Variants in LDLRAD4 observed in about 807,000 individuals in gnomAD.
LDLRAD4 encodes the protein low density lipoprotein receptor class A domain containing 4.
A neutral mutation model predicts 17.0 loss-of-function variants in LDLRAD4; 5 were observed. The observed-to-expected ratio is 0.29, with a 90% CI of 0.15 to 0.62. LDLRAD4 has a LOEUF of 0.62. LDLRAD4 is among the 20% of genes least tolerant of loss of function. The probability of loss-of-function intolerance (pLI) is 0.84; values close to 1 mark genes in which losing one functional copy is unlikely to be tolerated. For synonymous variants in LDLRAD4, 168 were observed against 171.8 expected (o/e 0.98, Z 0.17); for missense variants, 340 against 424.7 (o/e 0.80, Z 1.75).
intron 3 of LDLRAD4, among the ~76,000 whole-genome samples, chr18:13,579,144 C>T (rs920986251): frequency 3.1e-4 from 47 of 151,920 alleles, no homozygotes; most frequent in African/African-American, 1.1e-3. Flanking sequence ...GAGCCGAGAT[C>T]GCACCACTGT....
intron 3 of LDLRAD4, among the ~76,000 whole-genome samples, chr18:13,573,778 G>T (rs868687236): frequency 1.1e-4 from 16 of 152,130 alleles, no homozygotes; most frequent in Admixed American, 8.5e-4. Context: ...AACAATCTGG[G>T]TAAAGAGACT....
At chr18:13,626,559 C>T (rs927697263) in intron 4 of LDLRAD4, among the ~76,000 whole-genome samples, 1 of 152,228 alleles carries the variant, frequency 6.6e-6, no homozygotes, top group Non-Finnish European at 1.5e-5. Flanking sequence ...AAATTGTTAA[C>T]ATTCAGCCAT....
At chr18:13,511,088 T>C (rs2093770468) in intron 3 of LDLRAD4, among the ~76,000 whole-genome samples, 1 of 152,134 alleles carries the variant, frequency 6.6e-6, no homozygotes, top group African/African-American at 2.4e-5. Flanking sequence ...ATAGAAGTCA[T>C]GGAACTCATG....
intron 3 of LDLRAD4, among the ~76,000 whole-genome samples, chr18:13,580,536 T>C (rs1025315331): frequency 8.5e-5 from 13 of 152,146 alleles, no homozygotes; most frequent in African/African-American, 2.9e-4. Context: ...TGGGATCAGT[T>C]TGAATGGCAA....
intron 1 of LDLRAD4, among the ~76,000 whole-genome samples, chr18:13,273,026 T>C (rs2044654285): frequency 1.3e-5 from 2 of 152,204 alleles, no homozygotes; most frequent in African/African-American, 4.8e-5. Flanking sequence ...ACAAAAACGA[T>C]GTGGCATTTA....
At chr18:13,605,169 T>A (rs564914078) in intron 3 of LDLRAD4, among the ~76,000 whole-genome samples, 1 of 152,218 alleles carries the variant, frequency 6.6e-6, no homozygotes, top group African/African-American at 2.4e-5. Flanking sequence ...AAAGACTTCT[T>A]GAGTTTTTAA....
chr18:13,494,116 C>T lies in LDLRAD4; in HGVS notation c.181+55732C>T, dbSNP rs996653966. 3.3e-5 allele frequency among the ~76,000 whole-genome samples: 5 copies of T among 152,104 alleles called. No individual in the cohort carries two copies. In the South Asian group the frequency reaches 8.3e-4, roughly 25 times the overall value. On this transcript the variant is annotated intron_variant, in intron 3 of 5. Transcript: ENST00000359446. ...ATGAGTTTGGGGAGAAGGAGCAGGG[C>T]GGTGGTGATGGCTCTGCTGAGAGGA...
chr18:13,443,833 T>C (rs1415917132), intron 3 of LDLRAD4, among the ~76,000 whole-genome samples: 1 of 152,176 alleles, frequency 6.6e-6, no homozygotes, highest in African/African-American at 2.4e-5. Flanking sequence ...CTGAACGTGC[T>C]TCTCTGTCCC....
At chr18:13,523,665 C>G (rs182653118) in intron 3 of LDLRAD4, among the ~76,000 whole-genome samples, 20 of 152,302 alleles carry the variant, frequency 1.3e-4, no homozygotes, top group Non-Finnish European at 2.2e-4. Context: ...TGCTGTGTAC[C>G]ATGCAGTTGC....
intron 1 of LDLRAD4, among the ~76,000 whole-genome samples, chr18:13,380,763 T>C (rs547886222): frequency 3.4e-4 from 52 of 152,346 alleles, no homozygotes; most frequent in African/African-American, 1.2e-3. Context: ...GTTTTGGGTT[T>C]TGTACTTGCT....
intron 1 of LDLRAD4, among the ~76,000 whole-genome samples, chr18:13,290,006 T>G (rs1259331602): frequency 2.0e-5 from 3 of 152,210 alleles, no homozygotes; most frequent in Admixed American, 6.5e-5. Context: ...TTGGGGAGTT[T>G]TACTGTGTGG....
At chr18:13,294,482 C>A (rs1295384399) in intron 1 of LDLRAD4, among the ~76,000 whole-genome samples, 1 of 152,220 alleles carries the variant, frequency 6.6e-6, no homozygotes, top group Non-Finnish European at 1.5e-5. Flanking sequence ...GAGTGAGTTA[C>A]GTCTTTTCTT....
chr18:13,579,139 G>A (rs1173229176), intron 3 of LDLRAD4, among the ~76,000 whole-genome samples: 8 of 151,958 alleles, frequency 5.3e-5, no homozygotes, highest in African/African-American at 1.9e-4. Flanking sequence ...GCAGTGAGCC[G>A]AGATCGCACC....
intron 3 of LDLRAD4, among the ~76,000 whole-genome samples, chr18:13,506,599 C>T (rs1213397252): frequency 6.6e-6 from 1 of 152,188 alleles, no homozygotes; most frequent in Non-Finnish European, 1.5e-5. Flanking sequence ...TCCAGAAGCT[C>T]TAGCTAAGAT....
At chr18:13,263,102 G>C (rs117239838) in intron 1 of LDLRAD4, among the ~76,000 whole-genome samples, 2 of 148,304 alleles carry the variant, frequency 1.3e-5, no homozygotes, top group South Asian at 4.3e-4. Flanking sequence ...CTCTGTTTGC[G>C]TGGAAACTGA....
intron 3 of LDLRAD4, among the ~76,000 whole-genome samples, chr18:13,447,983 G>T (rs1054417989): frequency 6.6e-6 from 1 of 152,182 alleles, no homozygotes; most frequent in African/African-American, 2.4e-5. Context: ...GAGGCCAAGG[G>T]GTGGCCGGGA....
chr18:13,321,479 C>T (rs182326958), intron 1 of LDLRAD4, among the ~76,000 whole-genome samples: 7 of 152,234 alleles, frequency 4.6e-5, no homozygotes, highest in African/African-American at 1.7e-4. Context: ...TTCTTTGTGT[C>T]CTCTTGTTTC....
At chr18:13,560,299 A>G (rs1448468176) in intron 3 of LDLRAD4, among the ~76,000 whole-genome samples, 1 of 152,176 alleles carries the variant, frequency 6.6e-6, no homozygotes, top group Non-Finnish European at 1.5e-5. Context: ...TGTCACAAGG[A>G]GTCTGTCCGG....
At chr18:13,450,272 C>T (rs1268791547) in intron 3 of LDLRAD4, among the ~76,000 whole-genome samples, 2 of 148,620 alleles carry the variant, frequency 1.3e-5, no homozygotes, top group African/African-American at 5.0e-5. Flanking sequence ...TGTTAGGAGA[C>T]GTTAACTGGA....
Sources: allele counts gnomAD v4.1 joint callset (sites outside exome capture counted in the v4.1 genomes callset), GRCh38; gene constraint gnomAD v4.1.1; transcripts MANE v1.5; gene names NCBI Gene and HGNC (gene_info 2026-07-23, HGNC 2026-07-21).